Variants in RPTOR observed in about 807,000 individuals in gnomAD.
The protein encoded by RPTOR is regulatory associated protein of MTOR complex 1.
A neutral mutation model predicts 169.9 loss-of-function variants in RPTOR; 21 were observed. That is an observed-to-expected ratio of 0.12 (90% confidence interval 0.09 to 0.18). The LOEUF is 0.18. Among genes scored for constraint, RPTOR ranks in the 10% least tolerant of loss-of-function variants. The probability of loss-of-function intolerance (pLI) is 1.00; values close to 1 mark genes in which losing one functional copy is unlikely to be tolerated. For synonymous variants in RPTOR, 732 were observed against 753.2 expected, an observed-to-expected ratio of 0.97 and a Z score of 0.46; for missense variants, 1,133 against 1,855.9, an observed-to-expected ratio of 0.61 and a Z score of 7.16.
chr17:80,891,529 G>A lies in RPTOR; in HGVS notation c.1984-191G>A, dbSNP rs190377443. Among the ~76,000 whole-genome samples, 22 of 152,366 alleles carry A rather than the reference G, an allele frequency of 1.4e-4. No homozygotes were observed. The East Asian group carries it at 1.7e-3, about 12-fold the overall frequency. On this transcript the variant is annotated intron_variant, in intron 17 of 33. Coordinates refer to ENST00000306801, the MANE Select transcript of RPTOR (RefSeq NM_020761.3). ...TTCCCCCGTGAGCCAGTGGCCTGCCGTCTCCCAGCACTCTGCTATTCCAAG... is the reference window on the plus strand; with the variant it reads ...TTCCCCCGTGAGCCAGTGGCCTGCCATCTCCCAGCACTCTGCTATTCCAAG...
chr17:80,655,497 G>A (rs1401592123), intron 3 of RPTOR, among the ~76,000 whole-genome samples: 2 of 151,816 alleles, frequency 1.3e-5, no homozygotes, highest in Non-Finnish European at 1.5e-5. Context: ...CAACCTCCTG[G>A]GCTCACGCTA....
intron 3 of RPTOR, among the ~76,000 whole-genome samples, chr17:80,678,997 G>T (rs190679001): frequency 3.3e-5 from 5 of 152,184 alleles, no homozygotes; most frequent in African/African-American, 1.2e-4. Context: ...CATTTCTCTC[G>T]CTCTTCACAA....
chr17:80,662,260 A>C (rs565037937), intron 3 of RPTOR, among the ~76,000 whole-genome samples: 1 of 152,178 alleles, frequency 6.6e-6, no homozygotes, highest in Non-Finnish European at 1.5e-5. Flanking sequence ...AGTTTTGCCC[A>C]TGGAACTGAA....
chr17:80,923,017 C>T (rs2068765621), intron 22 of RPTOR, among the ~76,000 whole-genome samples, 190 bp downstream of exon 22: 2 of 152,242 alleles, frequency 1.3e-5, no homozygotes, highest in African/African-American at 4.8e-5. Context: ...GATCTGAGCC[C>T]TGCCTTGAGC....
chr17:80,552,753 A>T lies in RPTOR; in HGVS notation c.162+6962A>T, dbSNP rs962667916. ...TTGAATGGCTTACCTAAAGTTACAT[A>T]AGTAACATGGCTAGCAGTGAGAGGA... On this transcript the variant is annotated intron_variant, in intron 1 of 33. Transcript: ENST00000306801. Among the ~76,000 whole-genome samples the T allele has an allele frequency of 3.9e-5, 6 of 152,388 alleles. No homozygotes were observed. The South Asian group carries it at 8.3e-4, about 21-fold the overall frequency.
At position 80,861,738 on chromosome 17, in the gene RPTOR, G is replaced by A. The variant is rs1052416714; in HGVS notation, c.1509+3838G>A. On this transcript the variant is annotated intron_variant, in intron 13 of 33. Transcript: ENST00000306801. The surrounding 1 kb of genome is among the most constrained non-coding windows in gnomAD (Gnocchi z 4.5). Reference sequence around the variant, plus strand: ...CCGCCTGAGCCTGCTCCCCAGCACCGCCAGTGCTGCAGGAACGTGTCTAAG... The same window carrying A: ...CCGCCTGAGCCTGCTCCCCAGCACCACCAGTGCTGCAGGAACGTGTCTAAG... Among the ~76,000 whole-genome samples, 7 of 152,188 alleles carry A rather than the reference G, an allele frequency of 4.6e-5. No individual in the cohort carries two copies. Among genetic ancestry groups the A allele is most frequent in the African/African-American group, 1.4e-4 (6 of 41,440 alleles).
chr17:80,719,574 G>A (rs973500458), intron 4 of RPTOR, among the ~76,000 whole-genome samples: 7 of 152,146 alleles, frequency 4.6e-5, no homozygotes, highest in Non-Finnish European at 5.9e-5. Context: ...ATTTGCCGCC[G>A]CAGCTTTCCC....
At chr17:80,867,888 C>T (rs1031015478) in intron 13 of RPTOR, among the ~76,000 whole-genome samples, 1 of 152,180 alleles carries the variant, frequency 6.6e-6, no homozygotes, top group African/African-American at 2.4e-5. Context: ...ATGAAGAGAT[C>T]GTCCGTTATC....
intron 3 of RPTOR, among the ~76,000 whole-genome samples, chr17:80,706,435 C>T (rs1417884168): frequency 2.0e-5 from 3 of 152,226 alleles, no homozygotes; most frequent in Non-Finnish European, 2.9e-5. Context: ...GGTCTGTCTC[C>T]TCCTTGGCCC....
intron 25 of RPTOR, among the ~76,000 whole-genome samples, chr17:80,945,408 C>A (rs539393708): frequency 6.6e-6 from 1 of 151,990 alleles, no homozygotes; most frequent in African/African-American, 2.4e-5. Context: ...CTGTCTAACA[C>A]GGTGAAACCC....
intron 21 of RPTOR, among the ~76,000 whole-genome samples, chr17:80,911,956 G>A (rs1409228977): frequency 3.9e-5 from 6 of 152,186 alleles, no homozygotes; most frequent in Non-Finnish European, 7.3e-5. Flanking sequence ...AACCGGTCCC[G>A]AGGCCTCTCA....
At chr17:80,892,097 G>A (rs1423605623) in intron 18 of RPTOR, among the ~76,000 whole-genome samples, 1 of 152,096 alleles carries the variant, frequency 6.6e-6, no homozygotes, top group Non-Finnish European at 1.5e-5. Flanking sequence ...CTTGAAGTAT[G>A]ACAAAACTTC....
chr17:80,676,242 G>A (rs940009262), intron 3 of RPTOR, among the ~76,000 whole-genome samples: 1 of 152,216 alleles, frequency 6.6e-6, no homozygotes, highest in Non-Finnish European at 1.5e-5. Flanking sequence ...AGTTCCAGTA[G>A]GTTAGAAGTG....
At chr17:80,546,843 C>A (rs1459789313) in intron 1 of RPTOR, among the ~76,000 whole-genome samples, 2 of 152,042 alleles carry the variant, frequency 1.3e-5, no homozygotes, top group Non-Finnish European at 2.9e-5. Context: ...CAAAGGCAGG[C>A]GGATCACCTG....
At chr17:80,621,760 T>C (rs904538155) in intron 1 of RPTOR, among the ~76,000 whole-genome samples, 2 of 152,128 alleles carry the variant, frequency 1.3e-5, no homozygotes, top group African/African-American at 4.8e-5. Context: ...TGGGACTGAG[T>C]CCCAAACCTG....
intron 3 of RPTOR, among the ~76,000 whole-genome samples, chr17:80,694,600 C>A (rs2066020805): frequency 6.6e-6 from 1 of 152,228 alleles, no homozygotes; most frequent in African/African-American, 2.4e-5. Context: ...TCTCTGCCTG[C>A]CAGGCAGGCG....
At chr17:80,644,306 G>GATT (rs773738955) in intron 3 of RPTOR, among the ~76,000 whole-genome samples, 2 of 88,902 alleles carry the variant, frequency 2.2e-5, no homozygotes, top group Non-Finnish European at 4.3e-5. Flanking sequence ...TTAGTGTGTG[G>GATT]GTTTTTTTTT....
chr17:80,822,160 G>A, intron 7 of RPTOR, 41 bp from the exon 8 acceptor site: 2 of 1,577,192 alleles, frequency 1.3e-6, no homozygotes, highest in East Asian at 2.2e-5. Context: ...CCTGCTCTCA[G>A]AGCTGTGGCA....
intron 3 of RPTOR, among the ~76,000 whole-genome samples, chr17:80,688,972 C>G (rs2065969570): frequency 6.6e-6 from 1 of 152,196 alleles, no homozygotes; most frequent in South Asian, 2.1e-4. Context: ...GTGGCCTCTC[C>G]TGCAGAACGG....
Sources: allele counts gnomAD v4.1 joint callset (sites outside exome capture counted in the v4.1 genomes callset), GRCh38; gene constraint gnomAD v4.1.1; non-coding constraint Gnocchi (gnomAD v3.1); transcripts MANE v1.5; gene names NCBI Gene and HGNC (gene_info 2026-07-23, HGNC 2026-07-21).